NDC1: variants seen among roughly 807,000 people sequenced by gnomAD.
The protein encoded by NDC1 is NDC1 transmembrane nucleoporin.
A neutral mutation model predicts 89.8 loss-of-function variants in NDC1; 24 were observed. That is an observed-to-expected ratio of 0.27 (90% CI 0.19 to 0.38). The LOEUF is 0.38. Ranked by LOEUF, NDC1 falls within the 10% of genes least tolerant of loss-of-function variation. The pLI, the probability that NDC1 is intolerant of heterozygous loss-of-function variation, is 1.00. For missense variants in NDC1, 728 were observed against 797.6 expected (o/e 0.91, Z 1.05); for synonymous variants, 296 against 284.8 (o/e 1.04, Z -0.39).
chr1:53,827,777 T>C (rs1231558418), intron 4 of NDC1, among the ~76,000 whole-genome samples: 4 of 152,236 alleles, frequency 2.6e-5, no homozygotes, highest in Admixed American at 6.5e-5. Flanking sequence ...TTATAGTCTA[T>C]GTTTGAGTCA....
At chr1:53,819,568 G>A (rs1241629339) in intron 5 of NDC1, among the ~76,000 whole-genome samples, 1 of 152,176 alleles carries the variant, frequency 6.6e-6, no homozygotes, top group Non-Finnish European at 1.5e-5. Flanking sequence ...CCAGCAAAAG[G>A]AAAATCTGAG....
intron 13 of NDC1, among the ~76,000 whole-genome samples, chr1:53,793,776 A>T (rs1293966416): frequency 2.0e-5 from 3 of 151,966 alleles, no homozygotes; most frequent in African/African-American, 7.3e-5. Flanking sequence ...GTTTTTGTAC[A>T]GACAGGGTCT....
intron 6 of NDC1, among the ~76,000 whole-genome samples, chr1:53,817,442 C>T (rs749590918): frequency 1.4e-4 from 21 of 152,054 alleles, no homozygotes; most frequent in Admixed American, 3.3e-4. Context: ...ACTGAGGATG[C>T]AAAGGCATAA....
At chr1:53,803,006 T>G (rs1647972991) in intron 10 of NDC1, among the ~76,000 whole-genome samples, 1 of 152,144 alleles carries the variant, frequency 6.6e-6, no homozygotes, top group Non-Finnish European at 1.5e-5. Context: ...AAATCTCCCA[T>G]CTAGAGAGTA....
intron 11 of NDC1, among the ~76,000 whole-genome samples, chr1:53,797,379 C>T (rs796990744): frequency 3.3e-5 from 5 of 152,160 alleles, no homozygotes; most frequent in African/African-American, 9.6e-5. Flanking sequence ...CTCTTTTTCC[C>T]CCCCCATGAA....
At chr1:53,825,312 C>T (rs980743733) in intron 5 of NDC1, among the ~76,000 whole-genome samples, 1 of 151,886 alleles carries the variant, frequency 6.6e-6, no homozygotes, top group East Asian at 1.9e-4. Flanking sequence ...CCCGTCACTA[C>T]TAAAAACACA....
chr1:53,832,937 G>A (rs1381688234), intron 2 of NDC1, among the ~76,000 whole-genome samples: 1 of 152,100 alleles, frequency 6.6e-6, no homozygotes, highest in Non-Finnish European at 1.5e-5. Flanking sequence ...ACTTGAGCCT[G>A]GGAGTTTGAG....
At chr1:53,827,644 T>C (rs1648913717) in intron 4 of NDC1, among the ~76,000 whole-genome samples, 1 of 152,240 alleles carries the variant, frequency 6.6e-6, no homozygotes, top group African/African-American at 2.4e-5. Context: ...CAAGAACATG[T>C]GTGGATCCCT....
Position 53,767,396 on chromosome 1 carries a change from G to A in NDC1, c.*574C>T, listed in dbSNP as rs1176166551. The A allele has an allele frequency of 6.6e-6, 1 of 151,722 alleles. No homozygotes were observed. The highest frequency in any genetic ancestry group is 2.4e-5 in the African/African-American group (1 of 41,312). The allele number at this position is 151,722 out of a possible 1,614,324, so 9.4% of individuals were successfully genotyped here. On this transcript the variant is annotated 3_prime_UTR_variant, in exon 18 of 18. Transcript: ENST00000371429. Reference sequence around the variant, plus strand: ...CATCTGTAAACTGAGACCCTTTTTTGGGTAATCATACAAATTTAATTTGTC... The same window carrying A: ...CATCTGTAAACTGAGACCCTTTTTTAGGTAATCATACAAATTTAATTTGTC...
chr1:53,782,105 A>T (rs1647214817), intron 16 of NDC1, among the ~76,000 whole-genome samples: 1 of 152,212 alleles, frequency 6.6e-6, no homozygotes, highest in African/African-American at 2.4e-5. Flanking sequence ...CAAAGGAGAA[A>T]AATATGTTCT....
intron 7 of NDC1, among the ~76,000 whole-genome samples, chr1:53,807,995 A>C (rs1648171698): frequency 6.6e-6 from 1 of 152,178 alleles, no homozygotes; most frequent in Admixed American, 6.5e-5. Context: ...AACAGACCTA[A>C]ATCGGGGCTA....
intron 14 of NDC1, among the ~76,000 whole-genome samples, chr1:53,790,124 G>C (rs967260314): frequency 6.6e-6 from 1 of 151,738 alleles, no homozygotes; most frequent in Non-Finnish European, 1.5e-5. Flanking sequence ...CAGCACTTTG[G>C]GACGATGAGG....
chr1:53,779,013 C>T (rs559365143), intron 16 of NDC1, among the ~76,000 whole-genome samples: 4 of 148,848 alleles, frequency 2.7e-5, no homozygotes, highest in South Asian at 2.1e-4. Flanking sequence ...CATAGTGGTG[C>T]GTGCCTGTGG....
At chr1:53,801,237 G>T (rs1647903041) in intron 10 of NDC1, among the ~76,000 whole-genome samples, 1 of 152,106 alleles carries the variant, frequency 6.6e-6, no homozygotes, top group Non-Finnish European at 1.5e-5. Context: ...CTAAGACAAT[G>T]AACACTACGA....
rs190764570 is a variant in NDC1 at position 53,819,130 on chromosome 1, A to G, written c.595-51T>C. ...ATGACACATTCAAATCAAATGATAC[A>G]CTCAACATCACCTTAAAGCAAGCAC... On this transcript the variant is annotated intron_variant, in intron 5 of 17. Coordinates refer to ENST00000371429, the MANE Select transcript of NDC1 (RefSeq NM_018087.5). The G allele has an allele frequency of 3.6e-6, 3 of 831,994 alleles. No individual in the cohort carries two copies. In the East Asian group the frequency reaches 7.5e-5, roughly 21 times the overall value. 51.5% of individuals were successfully genotyped at this position (831,994 alleles called of 1,614,324 possible).
At position 53,819,008 on chromosome 1, in the gene NDC1, G is replaced by A; in HGVS notation, c.666C>T (p.Phe222=). 3 of 1,572,362 alleles carry A rather than the reference G, an allele frequency of 1.9e-6. No homozygotes were observed. Among genetic ancestry groups the A allele is most frequent in the South Asian group, 1.2e-5 (1 of 83,734 alleles). ...ATAAAATGCAGAAATTTCTAACCAG[G>A]AACAGTGATTCCACACAACTGTGTT... ...LVKHSCVESL[F]LVRNFCILYY... is the part of the protein sequence containing the mutation. Residue 222 remains phenylalanine, a synonymous_variant, in exon 6 of 18, where the codon TTC becomes TTT. Transcript: ENST00000371429.
At position 53,832,470 on chromosome 1, in the gene NDC1, G is replaced by C. The variant is rs368529289; in HGVS notation, c.280+20C>G. The C allele has an allele frequency of 1.6e-6, 2 of 1,221,286 alleles. No homozygotes were observed. Among genetic ancestry groups the C allele is most frequent in the African/African-American group, 3.0e-5 (2 of 66,476 alleles). The allele number at this position is 1,221,286 out of a possible 1,614,324, so 75.7% of individuals were successfully genotyped here. On this transcript the variant is annotated intron_variant, in intron 3 of 17. Coordinates refer to ENST00000371429, the MANE Select transcript of NDC1 (RefSeq NM_018087.5). ...AATAAATTCGCATATTTCTAAGAAG[G>C]TTAACATTTGAAAACTCACCTGCAT...
Position 53,832,578 on chromosome 1 carries a change from G to A in NDC1, c.192C>T (p.Asp64=), listed in dbSNP as rs1286363945. ...PIQWLSDSFS[D]LYSSYVIFYF... Reference sequence around the variant, plus strand: ...AAAAGATTACATAGGAACTATACAGGTCACTGAAAGAATCTAAAACACAAG... The same window carrying A: ...AAAAGATTACATAGGAACTATACAGATCACTGAAAGAATCTAAAACACAAG... The change falls in exon 3 of 18, where the codon GAC becomes GAT. Residue 64 remains aspartate, a synonymous_variant. Coordinates refer to ENST00000371429, the MANE Select transcript of NDC1 (RefSeq NM_018087.5). 1.3e-6 allele frequency: 2 copies of A among 1,562,094 alleles called. No homozygotes were observed. The highest frequency in any genetic ancestry group is 3.4e-5 in the Admixed American group (2 of 59,652).
At chr1:53,826,624 A>T (rs1407634310) in intron 4 of NDC1, among the ~76,000 whole-genome samples, 1 of 152,240 alleles carries the variant, frequency 6.6e-6, no homozygotes, top group Non-Finnish European at 1.5e-5. Flanking sequence ...AATTATAAGC[A>T]TAAGATCTAT....
Sources: gnomAD v4.1 joint callset for allele counts (sites outside exome capture counted in the v4.1 genomes callset) on GRCh38, gnomAD v4.1.1 for gene constraint, MANE v1.5 for transcripts, NCBI Gene and HGNC (gene_info 2026-07-23, HGNC 2026-07-21) for gene names.